The following C4orf36 variants were observed in gnomAD, a reference collection of about 807,000 sequenced individuals.
C4orf36 encodes uncharacterized protein C4orf36.
In C4orf36, 11 loss-of-function variants were observed where a neutral mutation model predicts 12.2. The observed-to-expected ratio is 0.90, with a 90% CI of 0.57 to 1.49. C4orf36 has a LOEUF of 1.49. Ranked by LOEUF, C4orf36 falls within the 40% of genes most tolerant of loss-of-function variation. The pLI, the probability that C4orf36 is intolerant of heterozygous loss-of-function variation, is 0.00. For missense variants in C4orf36, 137 were observed against 133.9 expected, an observed-to-expected ratio of 1.02 and a Z score of -0.11; for synonymous variants, 54 against 51.3, an observed-to-expected ratio of 1.05 and a Z score of -0.22.
the C4orf36 span, among the ~76,000 whole-genome samples, chr4:86,911,181 T>G: frequency 6.6e-6 from 1 of 152,162 alleles, no homozygotes. Flanking sequence ...ACAGAACAGC[T>G]GTGGGGAAGT....
the C4orf36 span, chr4:86,925,448 C>G: frequency 3.9e-5 from 6 of 152,164 alleles, no homozygotes; most frequent in Admixed American, 2.0e-4. Flanking sequence ...AACTCCTGAG[C>G]TCAAGTGATC....
chr4:86,915,191 GC>G, the C4orf36 span, among the ~76,000 whole-genome samples: 1 of 152,044 alleles, frequency 6.6e-6, no homozygotes, highest in Non-Finnish European at 1.5e-5. Context: ...TCTCTGAGCT[GC>G]CCCCCTGTAT....
chr4:86,884,573 G>A (rs943869629), intron 4 of C4orf36, among the ~76,000 whole-genome samples: 1 of 152,076 alleles, frequency 6.6e-6, no homozygotes, highest in African/African-American at 2.4e-5. Flanking sequence ...CGAAAGCACT[G>A]AGATTTATAG....
chr4:86,911,296 AG>A, the C4orf36 span, among the ~76,000 whole-genome samples: 2 of 152,174 alleles, frequency 1.3e-5, no homozygotes, highest in African/African-American at 4.8e-5. Context: ...GCCTTTTCAT[AG>A]GAATTTCCCC....
chr4:86,914,172 A>G, the C4orf36 span: 3 of 1,591,730 alleles, frequency 1.9e-6, no homozygotes, highest in Non-Finnish European at 2.6e-6. Flanking sequence ...TTTGTTCCCT[A>G]GTGGGGACTA....
At chr4:86,888,656 T>C (rs1393948168) in intron 2 of C4orf36, among the ~76,000 whole-genome samples, 1 of 152,222 alleles carries the variant, frequency 6.6e-6, no homozygotes, top group East Asian at 1.9e-4. Context: ...GCAGGGTGCT[T>C]GGCACAGACT....
intron 4 of C4orf36, chr4:86,886,815 T>C (rs1747187933): frequency 6.6e-6 from 1 of 152,144 alleles, no homozygotes; most frequent in Non-Finnish European, 1.5e-5. Flanking sequence ...CATGCACACG[T>C]ATGTTTATTG....
the C4orf36 span, among the ~76,000 whole-genome samples, chr4:86,932,814 G>C: frequency 6.7e-6 from 1 of 150,188 alleles, no homozygotes; most frequent in Non-Finnish European, 1.5e-5. Flanking sequence ...ACCGATGTCA[G>C]AAACATGCTT....
the C4orf36 span, chr4:86,914,726 G>A: frequency 1.2e-5 from 5 of 416,340 alleles, no homozygotes; most frequent in Non-Finnish European, 2.3e-5. Flanking sequence ...ATGTGCACTT[G>A]GTGATTATTG....
At chr4:86,918,904 C>T in the C4orf36 span, among the ~76,000 whole-genome samples, 2 of 152,020 alleles carry the variant, frequency 1.3e-5, no homozygotes, top group African/African-American at 4.8e-5. Context: ...AATCCCATGA[C>T]AGGCCATCTG....
At chr4:86,886,969 T>G (rs923083220) in intron 4 of C4orf36, 1 of 152,112 alleles carries the variant, frequency 6.6e-6, no homozygotes, top group Non-Finnish European at 1.5e-5. Context: ...TGTAGGGACA[T>G]GGGTGAAGCT....
chr4:86,920,800 C>G, the C4orf36 span, among the ~76,000 whole-genome samples: 2 of 152,128 alleles, frequency 1.3e-5, no homozygotes, highest in Non-Finnish European at 2.9e-5. Context: ...CTTAAAAGTC[C>G]TACCTTTTAA....
the C4orf36 span, chr4:86,914,119 A>C: frequency 1.4e-5 from 22 of 1,603,124 alleles, no homozygotes; most frequent in Non-Finnish European, 1.8e-5. Flanking sequence ...TCAGACTCAA[A>C]GTAACAAACA....
At chr4:86,914,893 C>T in the C4orf36 span, 1 of 342,042 alleles carries the variant, frequency 2.9e-6, no homozygotes, top group Non-Finnish European at 5.5e-6. Context: ...GATTCATGGA[C>T]TCTGGGCAGT....
chr4:86,895,163 A>C (rs1160930111), upstream of C4orf36, among the ~76,000 whole-genome samples: 1 of 152,064 alleles, frequency 6.6e-6, no homozygotes, highest in South Asian at 2.1e-4. Flanking sequence ...AGTAGAAAAA[A>C]AACTTAGCTG....
rs1161789974 is a variant in C4orf36, at chr4:86,887,813, G to A, written c.301C>T (p.Leu101Phe). 6.2e-7 allele frequency: 1 copy of A among 1,614,216 alleles called. No individual in the cohort carries two copies. The highest frequency in any genetic ancestry group is 1.1e-5 in the South Asian group (1 of 91,084). The change falls in exon 4 of 5, where the codon CTT becomes TTT. Residue 101 changes from leucine (L) to phenylalanine (F), a missense_variant. Physicochemically the swap from Leu to Phe is conservative, Grantham distance 22. Coordinates refer to ENST00000295898, the MANE Select transcript of C4orf36 (RefSeq NM_144645.4). The part of the protein sequence containing the change: ...CQENTSKEIQ[L>F]LLRERPAGLR... Reference sequence around the variant, plus strand: ...CCGGCTGGCCTTTCCCTCAGGAGAAGCTGAATTTCCTTAGATGTATTTTCT... The same window carrying A: ...CCGGCTGGCCTTTCCCTCAGGAGAAACTGAATTTCCTTAGATGTATTTTCT...
chr4:86,929,138 C>T, the C4orf36 span, among the ~76,000 whole-genome samples: 2 of 152,184 alleles, frequency 1.3e-5, no homozygotes, highest in Non-Finnish European at 2.9e-5. Context: ...TTACCACAAA[C>T]TCAGCAGTCT....
the C4orf36 span, among the ~76,000 whole-genome samples, chr4:86,907,892 C>A: frequency 1.3e-5 from 2 of 151,038 alleles, no homozygotes; most frequent in Non-Finnish European, 2.9e-5. Flanking sequence ...TTGCTTGACC[C>A]GAGGAGCAGA....
chr4:86,908,599 A>ACTCTCT, the C4orf36 span, among the ~76,000 whole-genome samples: 1 of 132,020 alleles, frequency 7.6e-6, no homozygotes, highest in African/African-American at 2.8e-5. Flanking sequence ...GTACACTTAC[A>ACTCTCT]CTCTCTCTCT....
Sources: allele counts gnomAD v4.1 joint callset (sites outside exome capture counted in the v4.1 genomes callset), GRCh38; gene constraint gnomAD v4.1.1; transcripts MANE v1.5; gene names NCBI Gene and HGNC (gene_info 2026-07-23, HGNC 2026-07-21).